NARS2: variants seen among roughly 807,000 people sequenced by gnomAD.
NARS2 encodes asparaginyl-tRNA synthetase 2, mitochondrial.
Under a neutral mutation model 62.9 loss-of-function variants are expected in NARS2, and 60 were observed. That is an observed-to-expected ratio of 0.95 (90% CI 0.77 to 1.18). NARS2 has a LOEUF of 1.18. NARS2 is among the 50% of genes most tolerant of loss of function. NARS2 has a pLI of 0.00. For missense variants in NARS2, 619 were observed against 576.4 expected (o/e 1.07, Z -0.76); for synonymous variants, 196 against 200.0 (o/e 0.98, Z 0.17).
intron 7 of NARS2, among the ~76,000 whole-genome samples, chr11:78,491,258 T>C (rs1859807094): frequency 6.6e-6 from 1 of 152,188 alleles, no homozygotes; most frequent in South Asian, 2.1e-4. Context: ...TACATGCTAG[T>C]AGTGACCACT....
intron 4 of NARS2, 135 bp from the exon 5 acceptor site, chr11:78,559,754 G>T: frequency 1.7e-6 from 1 of 591,594 alleles, no homozygotes; most frequent in Non-Finnish European, 3.0e-6. Context: ...TAAATATTAA[G>T]ACTACTGAAA....
intron 2 of NARS2, among the ~76,000 whole-genome samples, chr11:78,571,061 C>G (rs1856904846): frequency 6.6e-6 from 1 of 152,054 alleles, no homozygotes; most frequent in Admixed American, 6.5e-5. Flanking sequence ...TAGGAAAGAG[C>G]AGAACAGCTT....
At chr11:78,553,030 C>T (rs984514725) in intron 5 of NARS2, among the ~76,000 whole-genome samples, 1 of 152,200 alleles carries the variant, frequency 6.6e-6, no homozygotes, top group Non-Finnish European at 1.5e-5. Flanking sequence ...TCAGAAATCA[C>T]CATACTGCTT....
At chr11:78,493,315 T>C (rs1859911621) in intron 6 of NARS2, 120 bp from the exon 7 acceptor site, 1 of 865,226 alleles carries the variant, frequency 1.2e-6, no homozygotes, top group Non-Finnish European at 1.8e-6. Context: ...GTCCACAGAC[T>C]GACACATATT....
chr11:78,484,584 T>G (rs1444097579), intron 7 of NARS2, among the ~76,000 whole-genome samples: 1 of 152,164 alleles, frequency 6.6e-6, no homozygotes, highest in Non-Finnish European at 1.5e-5. Context: ...GTGAAGGATA[T>G]GAACAGACAC....
chr11:78,494,969 A>C (rs1386488655), intron 6 of NARS2, among the ~76,000 whole-genome samples: 2 of 152,120 alleles, frequency 1.3e-5, no homozygotes, highest in Non-Finnish European at 2.9e-5. Flanking sequence ...AGTTGTTTAC[A>C]CCTTGGAAAA....
intron 6 of NARS2, among the ~76,000 whole-genome samples, chr11:78,510,782 A>C (rs1860693198): frequency 6.6e-6 from 1 of 152,114 alleles, no homozygotes; most frequent in Non-Finnish European, 1.5e-5. Context: ...ATGCAAAAAA[A>C]GAGAACGAAT....
chr11:78,515,912 G>A (rs2135398810), intron 6 of NARS2, among the ~76,000 whole-genome samples: 1 of 152,202 alleles, frequency 6.6e-6, no homozygotes, highest in East Asian at 1.9e-4. Context: ...TTACTCTTCT[G>A]TATATATCTC....
rs569098338 is a variant in NARS2, at chr11:78,566,339, G to A, written c.373-67C>T. 15 of 1,352,260 alleles carry A rather than the reference G, an allele frequency of 1.1e-5. No individual in the cohort carries two copies. The East Asian group carries it at 2.5e-4, about 22-fold the overall frequency. The allele number at this position is 1,352,260 out of a possible 1,614,324, so 83.8% of individuals were successfully genotyped here. A position where few individuals can be genotyped will look rare whatever the true frequency, so the allele number is the denominator to read the frequency against. Reference sequence around the variant, plus strand: ...TACTGTTTAATAAAATCAGTTTCCAGGGTATTTCTTAAATAGCGCTTTGGA... The same window carrying A: ...TACTGTTTAATAAAATCAGTTTCCAAGGTATTTCTTAAATAGCGCTTTGGA... On this transcript the variant is annotated intron_variant, in intron 3 of 13. Coordinates refer to ENST00000281038, the MANE Select transcript of NARS2 (RefSeq NM_024678.6).
intron 6 of NARS2, among the ~76,000 whole-genome samples, chr11:78,499,340 T>C (rs879534977): frequency 1.2e-4 from 18 of 152,114 alleles, no homozygotes; most frequent in African/African-American, 4.3e-4. Context: ...GTCTCCTATG[T>C]GGCCCAGACT....
chr11:78,554,650 A>T (rs1478016039), intron 5 of NARS2, among the ~76,000 whole-genome samples: 4 of 152,154 alleles, frequency 2.6e-5, no homozygotes, highest in Admixed American at 1.3e-4. Flanking sequence ...CAAGTTATTT[A>T]TCAGCTGAAG....
At position 78,544,034 on chromosome 11, in the gene NARS2, A is replaced by AAC. The variant is rs1341355666; in HGVS notation, c.595-15099_595-15098insGT. 4.4e-3 allele frequency among the ~76,000 whole-genome samples: 668 copies of AAC among 151,154 alleles called. 3 individuals are homozygous for AAC. The highest frequency in any genetic ancestry group is 0.016 in the African/African-American group (651 of 41,142). ...ACTCTGTCTCAAAAAAAAAAAAAAA[A>AAC]AAAAAACTCTCTCTCACTCTCCAGA... On this transcript the variant is annotated intron_variant, in intron 5 of 13. Coordinates refer to ENST00000281038, the MANE Select transcript of NARS2 (RefSeq NM_024678.6).
At chr11:78,464,167 A>G (rs1205634719) in intron 11 of NARS2, among the ~76,000 whole-genome samples, 3 of 150,594 alleles carry the variant, frequency 2.0e-5, no homozygotes, top group Non-Finnish European at 4.4e-5. Flanking sequence ...ACAGCTCTTT[A>G]GGCGGCGTGT....
chr11:78,565,504 A>C (rs548171133), intron 4 of NARS2, among the ~76,000 whole-genome samples: 1 of 152,288 alleles, frequency 6.6e-6, no homozygotes, highest in East Asian at 1.9e-4. Context: ...GGAAGGGGAA[A>C]AAGTAAGGTA....
At chr11:78,441,019 C>T in intron 13 of NARS2, 72 bp downstream of exon 13, 1 of 1,376,882 alleles carries the variant, frequency 7.3e-7, no homozygotes, top group South Asian at 1.2e-5. Context: ...CTTGGGGATA[C>T]AAGTAAAAAC....
rs375108095 is a variant in NARS2, at chr11:78,528,649, T to C, written c.689+193A>G. 3.0e-4 allele frequency among the ~76,000 whole-genome samples: 45 copies of C among 152,294 alleles called. No homozygotes were observed. The East Asian group carries it at 3.9e-3, about 13-fold the overall frequency. On this transcript the variant is annotated intron_variant, in intron 6 of 13. Coordinates refer to ENST00000281038, the MANE Select transcript of NARS2 (RefSeq NM_024678.6). Reference sequence around the variant, plus strand: ...TAGTAAAAAGAAAAAAATGACAACTTTGTATTTTCAGTGTTACATTTTTCA... The same window carrying C: ...TAGTAAAAAGAAAAAAATGACAACTCTGTATTTTCAGTGTTACATTTTTCA...
chr11:78,478,212 A>G (rs1223309519), intron 9 of NARS2, among the ~76,000 whole-genome samples: 1 of 152,030 alleles, frequency 6.6e-6, no homozygotes, highest in Non-Finnish European at 1.5e-5. Flanking sequence ...TATTGATGAA[A>G]CACTGATTAT....
intron 5 of NARS2, among the ~76,000 whole-genome samples, chr11:78,532,777 G>C (rs1861526529): frequency 6.6e-6 from 1 of 152,138 alleles, no homozygotes; most frequent in African/African-American, 2.4e-5. Flanking sequence ...AAGGCCCCAT[G>C]ACTACCAAAT....
intron 6 of NARS2, among the ~76,000 whole-genome samples, chr11:78,523,432 A>C (rs2135416441): frequency 1.3e-5 from 2 of 152,342 alleles, no homozygotes; most frequent in Middle Eastern, 3.4e-3. Context: ...AGTTAAACAT[A>C]GTTACTGCAT....
Sources: gnomAD v4.1 joint callset for allele counts (sites outside exome capture counted in the v4.1 genomes callset) on GRCh38, gnomAD v4.1.1 for gene constraint, MANE v1.5 for transcripts, NCBI Gene and HGNC (gene_info 2026-07-23, HGNC 2026-07-21) for gene names.